The following GXYLT2 variants were observed in gnomAD, a reference collection of about 807,000 sequenced individuals.
GXYLT2 encodes glucoside xylosyltransferase 2.
GXYLT2 carries 53 observed loss-of-function variants against 45.8 expected under a neutral mutation model. That is an observed-to-expected ratio of 1.16 (90% confidence interval 0.93 to 1.46). The LOEUF is 1.46. Ranked by LOEUF, GXYLT2 falls within the 40% of genes most tolerant of loss-of-function variation. GXYLT2 has a pLI of 0.00. For synonymous variants in GXYLT2, 219 were observed against 214.2 expected (o/e 1.02, Z -0.19); for missense variants, 551 against 544.4 (o/e 1.01, Z -0.12).
intron 4 of GXYLT2, among the ~76,000 whole-genome samples, chr3:72,956,529 A>C (rs1427048014): frequency 6.6e-6 from 1 of 152,154 alleles, no homozygotes; most frequent in Non-Finnish European, 1.5e-5. Flanking sequence ...TGAGGAAATA[A>C]GCCTAAGAAA....
At chr3:72,914,541 G>GTGTGCGCGCGCGCGCT (rs1709696173) in intron 2 of GXYLT2, among the ~76,000 whole-genome samples, 2 of 151,472 alleles carry the variant, frequency 1.3e-5, no homozygotes, top group East Asian at 3.9e-4. Context: ...GTGTGTGTGT[G>GTGTGCGCGCGCGCGCT]TGTGTGCGCG....
intron 3 of GXYLT2, among the ~76,000 whole-genome samples, chr3:72,942,715 A>G (rs1710324054): frequency 6.6e-6 from 1 of 152,034 alleles, no homozygotes; most frequent in African/African-American, 2.4e-5. Flanking sequence ...CTTTGTTCTA[A>G]ATAACCGGCC....
intron 6 of GXYLT2, among the ~76,000 whole-genome samples, chr3:72,974,713 G>T (rs1292929645): frequency 1.3e-5 from 2 of 152,074 alleles, no homozygotes; most frequent in African/African-American, 2.4e-5. Context: ...CTCTCAAAGT[G>T]CTGGGGTTAC....
At chr3:72,896,526 A>G (rs1474498052) in intron 1 of GXYLT2, among the ~76,000 whole-genome samples, 1 of 152,116 alleles carries the variant, frequency 6.6e-6, no homozygotes, top group African/African-American at 2.4e-5. Flanking sequence ...AGGATACACC[A>G]ATCTCAGTCT....
intron 3 of GXYLT2, 114 bp from the exon 4 acceptor site, chr3:72,954,984 C>A: frequency 9.6e-7 from 1 of 1,043,824 alleles, no homozygotes; most frequent in Non-Finnish European, 1.4e-6. Context: ...TAATACGAAT[C>A]AACAAAAGTT....
intron 5 of GXYLT2, among the ~76,000 whole-genome samples, chr3:72,958,685 G>A (rs1287984768): frequency 6.9e-6 from 1 of 144,994 alleles, no homozygotes; most frequent in African/African-American, 2.6e-5. Flanking sequence ...AGGCTGGAGT[G>A]CAGTGACACA....
At chr3:72,946,926 T>C (rs1470070813) in intron 3 of GXYLT2, among the ~76,000 whole-genome samples, 2 of 152,130 alleles carry the variant, frequency 1.3e-5, no homozygotes, top group African/African-American at 2.4e-5. Context: ...AGGGCTCAAA[T>C]GATCCTCCCA....
In GXYLT2 at chr3:72,929,045, AC is replaced by A. The variant is rs1709975139; in HGVS notation, c.600+6711del. 4 of 1,564,642 alleles carry A rather than the reference AC, an allele frequency of 2.6e-6. No individual in the cohort carries two copies. The East Asian group carries it at 6.7e-5, about 26-fold the overall frequency. Reference sequence around the variant, plus strand: ...CCGCCTCTCCTTAGCCGCCGCCGTGACGACCGCGTCCACCTCGCAGGTGCGC... The same window carrying A: ...CCGCCTCTCCTTAGCCGCCGCCGTGAGACCGCGTCCACCTCGCAGGTGCGC... On this transcript the variant is annotated intron_variant, in intron 3 of 6. Transcript: ENST00000389617.
At position 72,888,144 on chromosome 3, in the gene GXYLT2, C is replaced by A. The variant is rs913465534; in HGVS notation, c.-90C>A. On this transcript the variant is annotated 5_prime_UTR_variant, in exon 1 of 7. Coordinates refer to ENST00000389617, the MANE Select transcript of GXYLT2 (RefSeq NM_001080393.2). ...CCGGCGGGCGGGCGGAGGAGGCGAC[C>A]GCCGCGCGCTGCTGCACTCATCCTG... 6 of 913,106 alleles carry A rather than the reference C, an allele frequency of 6.6e-6. No individual in the cohort carries two copies. The highest frequency in any genetic ancestry group is 3.6e-5 in the African/African-American group (2 of 55,110). 56.6% of individuals were successfully genotyped at this position (913,106 alleles called of 1,614,324 possible).
intron 3 of GXYLT2, among the ~76,000 whole-genome samples, chr3:72,926,087 G>GA (rs1023196639): frequency 2.0e-5 from 3 of 152,182 alleles, no homozygotes; most frequent in African/African-American, 7.2e-5. Context: ...GGAGCACAGA[G>GA]AAAATGGAGA....
intron 3 of GXYLT2, among the ~76,000 whole-genome samples, chr3:72,925,888 AAAT>A: frequency 6.6e-6 from 1 of 152,338 alleles, no homozygotes; most frequent in South Asian, 2.1e-4. Flanking sequence ...CCCTCTTTAA[AAAT>A]AATAAAGAGA....
intron 1 of GXYLT2, among the ~76,000 whole-genome samples, chr3:72,895,844 G>T (rs1289574483): frequency 2.0e-5 from 3 of 152,194 alleles, no homozygotes. Flanking sequence ...TATATTTCAA[G>T]TGACTTTTAG....
intron 3 of GXYLT2, among the ~76,000 whole-genome samples, chr3:72,945,216 A>T (rs1183926348): frequency 6.6e-6 from 1 of 151,818 alleles, no homozygotes; most frequent in Non-Finnish European, 1.5e-5. Context: ...TGAACCCGGG[A>T]GGCGGAGCTT....
At position 72,975,417 on chromosome 3, in the gene GXYLT2, A is replaced by C. The variant is rs1224103617; in HGVS notation, c.*258A>C. On this transcript the variant is annotated 3_prime_UTR_variant, in exon 7 of 7. Transcript: ENST00000389617. ...CATTTAACATTGTTTAAGCAGGTTG[A>C]GCTAGCTGTGAAAATAGCTTTTGTG... The C allele has an allele frequency of 3.3e-6, 1 of 305,990 alleles. No individual in the cohort carries two copies. Among genetic ancestry groups the C allele is most frequent in the African/African-American group, 2.2e-5 (1 of 46,272 alleles). The allele number at this position is 305,990 out of a possible 1,614,324, so 19.0% of individuals were successfully genotyped here. A position where few individuals can be genotyped will look rare whatever the true frequency, so the allele number is the denominator to read the frequency against.
chr3:72,892,416 C>T (rs1057503380), intron 1 of GXYLT2, among the ~76,000 whole-genome samples: 2 of 152,196 alleles, frequency 1.3e-5, no homozygotes, highest in African/African-American at 4.8e-5. Flanking sequence ...CTTAAGATAC[C>T]TCTAAGCCCT....
At chr3:72,903,102 A>G (rs182881228) in intron 1 of GXYLT2, among the ~76,000 whole-genome samples, 40 of 152,342 alleles carry the variant, frequency 2.6e-4, no homozygotes, top group African/African-American at 9.1e-4. Flanking sequence ...GTGTTGTTGA[A>G]AAAGCACTGA....
chr3:72,973,210 G>T (rs1181115769), intron 6 of GXYLT2, among the ~76,000 whole-genome samples: 1 of 152,180 alleles, frequency 6.6e-6, no homozygotes, highest in Non-Finnish European at 1.5e-5. Context: ...CTACCAGCTG[G>T]GGGAGGGGCA....
In GXYLT2 at chr3:72,951,981, A is replaced by G. The variant is rs1287179475; in HGVS notation, c.601-3117A>G. Among the ~76,000 whole-genome samples, 4 of 146,470 alleles carry G rather than the reference A, an allele frequency of 2.7e-5. No individual in the cohort carries two copies. The East Asian group carries it at 8.0e-4, about 29-fold the overall frequency. On this transcript the variant is annotated intron_variant, in intron 3 of 6. Coordinates refer to ENST00000389617, the MANE Select transcript of GXYLT2 (RefSeq NM_001080393.2). ...CTCAGCCTCCTGAGTAGCTGGAATT[A>G]TAGGCACGTGACACCATGCCCAGCT...
intron 1 of GXYLT2, among the ~76,000 whole-genome samples, chr3:72,889,876 C>G (rs983187636): frequency 5.9e-5 from 9 of 151,510 alleles, no homozygotes; most frequent in Middle Eastern, 3.4e-3. Flanking sequence ...ACCTTCCCCC[C>G]CACCGCTGTT....
Sources: allele counts gnomAD v4.1 joint callset (sites outside exome capture counted in the v4.1 genomes callset), GRCh38; gene constraint gnomAD v4.1.1; transcripts MANE v1.5; gene names NCBI Gene and HGNC (gene_info 2026-07-23, HGNC 2026-07-21).